SGSM3: variants seen among roughly 807,000 people sequenced by gnomAD.
SGSM3 encodes the protein small G protein signaling modulator 3.
In SGSM3, 96 loss-of-function variants were observed where a neutral mutation model predicts 100.5. That is an observed-to-expected ratio of 0.96 (90% CI 0.81 to 1.13). The LOEUF is 1.13. SGSM3 is among the 50% of genes most tolerant of loss of function. The probability of loss-of-function intolerance (pLI) is 0.00; values close to 1 mark genes in which losing one functional copy is unlikely to be tolerated. For missense variants in SGSM3, 1,001 were observed against 1,015.8 expected (o/e 0.99, Z 0.20); for synonymous variants, 483 against 422.8 (o/e 1.14, Z -1.75).
Position 40,405,235 on chromosome 22 carries a change from CCCTGG to C in SGSM3, c.576_580del (p.Trp193LeufsTer53). On this transcript the variant is annotated frameshift_variant, in exon 7 of 22. Coordinates refer to ENST00000248929, the MANE Select transcript of SGSM3 (RefSeq NM_015705.6). LOFTEE classifies it high-confidence loss of function. ...CCCCGCCTGCGCAGGGTGCTCCGGGCCCTGGCCTGGCTCTACCCAGAGATCGGCTA... is the reference window on the plus strand; with the variant it reads ...CCCCGCCTGCGCAGGGTGCTCCGGGCCCTGGCTCTACCCAGAGATCGGCTA... 1 of 1,571,356 alleles carries C rather than the reference CCCTGG, an allele frequency of 6.4e-7. No homozygotes were observed. Among genetic ancestry groups the C allele is most frequent in the Non-Finnish European group, 8.6e-7 (1 of 1,158,348 alleles).
rs750798781 is a variant in SGSM3 at position 40,407,353 on chromosome 22, C to T, written c.1368+25C>T. The T allele has an allele frequency of 6.2e-7, 1 of 1,613,104 alleles. No individual in the cohort carries two copies. Among genetic ancestry groups the T allele is most frequent in the South Asian group, 1.1e-5 (1 of 91,086 alleles). ...GGTGAGTCGCCAGCTCCCTGGGCTG[C>T]TACCAAACACGGCCCTAACTCCTCC... On this transcript the variant is annotated intron_variant, in intron 12 of 21. Coordinates refer to ENST00000248929, the MANE Select transcript of SGSM3 (RefSeq NM_015705.6). The surrounding 1 kb of genome is among the most constrained non-coding windows in gnomAD (Gnocchi z 4.7).
At chr22:40,403,059 G>A (rs1361692584) in intron 4 of SGSM3, among the ~76,000 whole-genome samples, 1 of 152,238 alleles carries the variant, frequency 6.6e-6, no homozygotes, top group African/African-American at 2.4e-5. Flanking sequence ...AGGACACAGG[G>A]AACTTGCTGG....
intron 2 of SGSM3, 48 bp from the exon 3 acceptor site, chr22:40,401,545 C>A (rs775010227): frequency 1.3e-5 from 20 of 1,505,150 alleles, no homozygotes; most frequent in Non-Finnish European, 1.8e-5. Context: ...TGCGCCTGGC[C>A]TGCCTCTGCA....
In SGSM3 at chr22:40,408,774, G is replaced by A; in HGVS notation, c.1854-20G>A. On this transcript the variant is annotated intron_variant, in intron 17 of 21. Coordinates refer to ENST00000248929, the MANE Select transcript of SGSM3 (RefSeq NM_015705.6). ...GCCTGACCCAGCCCCGGCACCCCAGGAGCTTTGGTGTCCCCTCAGGTTGGA... is the reference window on the plus strand; with the variant it reads ...GCCTGACCCAGCCCCGGCACCCCAGAAGCTTTGGTGTCCCCTCAGGTTGGA... 6.2e-7 allele frequency: 1 copy of A among 1,613,842 alleles called. No homozygotes were observed. The highest frequency in any genetic ancestry group is 8.5e-7 in the Non-Finnish European group (1 of 1,180,018).
In SGSM3 at chr22:40,409,526, G is replaced by A. The variant is rs375946449; in HGVS notation, c.2172+1G>A. ...CTGGGAGCTCCCTGCGAAGAGAGAGGTGGGTGGTGTGGGCCTCGTAGGGCC... is the reference window on the plus strand; with the variant it reads ...CTGGGAGCTCCCTGCGAAGAGAGAGATGGGTGGTGTGGGCCTCGTAGGGCC... On this transcript the variant is annotated splice_donor_variant, in intron 21 of 21. Coordinates refer to ENST00000248929, the MANE Select transcript of SGSM3 (RefSeq NM_015705.6). LOFTEE classifies it high-confidence loss of function. 2 of 1,602,878 alleles carry A rather than the reference G, an allele frequency of 1.2e-6. No individual in the cohort carries two copies. Among genetic ancestry groups the A allele is most frequent in the African/African-American group, 1.3e-5 (1 of 74,278 alleles).
intron 1 of SGSM3, among the ~76,000 whole-genome samples, chr22:40,384,285 C>T (rs945080697): frequency 2.6e-5 from 4 of 151,980 alleles, no homozygotes; most frequent in Non-Finnish European, 1.5e-5. Flanking sequence ...CCAAAAATTA[C>T]CCTAAACCTT....
rs368831798 is a variant in SGSM3 at position 40,406,573 on chromosome 22, G to A, written c.1096G>A (p.Val366Met). The A allele has an allele frequency of 1.1e-4, 172 of 1,612,918 alleles. No homozygotes were observed. Among genetic ancestry groups the A allele is most frequent in the East Asian group, 4.2e-4 (19 of 44,878 alleles). ...RLAGSLTDVA[V>M]ETQRRKHLAY... ...GGCCGGCTCCCTCACCGATGTGGCCGTGGAGACTCAGCGCCGCAAGCACCT... is the reference window on the plus strand; with the variant it reads ...GGCCGGCTCCCTCACCGATGTGGCCATGGAGACTCAGCGCCGCAAGCACCT... The change falls in exon 10 of 22, where the codon GTG becomes ATG. Residue 366 changes from valine (V) to methionine (M), a missense_variant. Transcript: ENST00000248929.
At chr22:40,389,916 G>GAAAAAAAAAAAAAAAAAAAAAAAAAA (rs34606137) in intron 1 of SGSM3, among the ~76,000 whole-genome samples, 4 of 104,926 alleles carry the variant, frequency 3.8e-5, no homozygotes, top group Non-Finnish European at 6.0e-5. Flanking sequence ...AAAAAAAAAA[G>GAAAAAAAAAAAAAAAAAAAAAAAAAA]AAAAAAAAAA....
chr22:40,372,581 C>T (rs561024822), intron 1 of SGSM3: 3 of 152,230 alleles, frequency 2.0e-5, no homozygotes, highest in South Asian at 2.1e-4. Flanking sequence ...ACGCATACCT[C>T]GTGAATTTGG....
chr22:40,388,737 C>T (rs1051076987), intron 1 of SGSM3, among the ~76,000 whole-genome samples: 1 of 151,950 alleles, frequency 6.6e-6, no homozygotes, highest in Admixed American at 6.6e-5. Flanking sequence ...TAGAAAGTAG[C>T]AACAGGTTGT....
intron 1 of SGSM3, among the ~76,000 whole-genome samples, 161 bp from the exon 2 acceptor site, chr22:40,400,535 C>T (rs543668475): frequency 6.6e-6 from 1 of 151,784 alleles, no homozygotes; most frequent in Non-Finnish European, 1.5e-5. Flanking sequence ...CCCAGCTACT[C>T]GGGAGGCCGA....
At chr22:40,385,394 A>G (rs1477357499) in intron 1 of SGSM3, among the ~76,000 whole-genome samples, 1 of 152,202 alleles carries the variant, frequency 6.6e-6, no homozygotes, top group Non-Finnish European at 1.5e-5. Context: ...CAGGAGATCT[A>G]AGTATTTGCA....
intron 1 of SGSM3, among the ~76,000 whole-genome samples, chr22:40,382,822 T>C (rs771234466): frequency 1.3e-5 from 2 of 152,234 alleles, no homozygotes; most frequent in Non-Finnish European, 2.9e-5. Context: ...TTTTCACTTA[T>C]TCTGCAGGTA....
chr22:40,406,292 TCCCTGGGCCAGGCAAGACCAGCC>T lies in SGSM3; in HGVS notation c.960+76_960+98del, dbSNP rs1445714749. 6.9e-6 allele frequency: 11 copies of T among 1,592,254 alleles called. No individual in the cohort carries two copies. In the Middle Eastern group the frequency reaches 5.4e-4, roughly 79 times the overall value. On this transcript the variant is annotated intron_variant, in intron 9 of 21. Coordinates refer to ENST00000248929, the MANE Select transcript of SGSM3 (RefSeq NM_015705.6). ...ATGGGGGGCAGGGGAGCAAGAGACC[TCCCTGGGCCAGGCAAGACCAGCC>T]CCCTGGCCCCTGACAACTGTGCCAA...
In SGSM3 at chr22:40,372,122, C is replaced by CTT. The variant is rs58396730; in HGVS notation, c.-112+1455_-112+1456dup. On this transcript the variant is annotated intron_variant, in intron 1 of 21. Coordinates refer to ENST00000248929, the MANE Select transcript of SGSM3 (RefSeq NM_015705.6). ...TAGTTCTTCTCCCTGTCCCCCCCCC[C>CTT]TTTTTTTTTTTTTTTTTTTTTTGAG... Among the ~76,000 whole-genome samples, 171 of 65,212 alleles carry CTT rather than the reference C, an allele frequency of 2.6e-3. 3 individuals carry two copies. The highest frequency in any genetic ancestry group is 0.013 in the Middle Eastern group (1 of 76). 42.8% of individuals were successfully genotyped at this position (65,212 alleles called of 152,430 possible).
Position 40,405,295 on chromosome 22 carries a change from C to A in SGSM3, c.618+11C>A, listed in dbSNP as rs771040347. The A allele has an allele frequency of 1.3e-6, 2 of 1,489,720 alleles. No individual in the cohort carries two copies. The highest frequency in any genetic ancestry group is 2.8e-5 in the South Asian group (2 of 72,546). The allele number at this position is 1,489,720 out of a possible 1,614,324, so 92.3% of individuals were successfully genotyped here. A position where few individuals can be genotyped will look rare whatever the true frequency, so the allele number is the denominator to read the frequency against. On this transcript the variant is annotated intron_variant, in intron 7 of 21. Coordinates refer to ENST00000248929, the MANE Select transcript of SGSM3 (RefSeq NM_015705.6). The stretch of plus-strand genomic sequence containing the variant: ...CAGGGCACCGGCATGGTGAGCACAG[C>A]CCCAGAAAGGGCAGTGGCAGCCCCA...
intron 1 of SGSM3, among the ~76,000 whole-genome samples, chr22:40,372,016 C>T: frequency 6.7e-6 from 1 of 149,720 alleles, no homozygotes; most frequent in Non-Finnish European, 1.5e-5. Context: ...ATTTGTAATT[C>T]TATAGATATC....
intron 1 of SGSM3, among the ~76,000 whole-genome samples, chr22:40,392,430 T>A (rs2049479787): frequency 6.6e-6 from 1 of 152,184 alleles, no homozygotes; most frequent in African/African-American, 2.4e-5. Flanking sequence ...TTTTCACAGT[T>A]ATGGATAAGC....
At chr22:40,380,628 G>A (rs761514258) in intron 1 of SGSM3, among the ~76,000 whole-genome samples, 1 of 152,054 alleles carries the variant, frequency 6.6e-6, no homozygotes, top group Non-Finnish European at 1.5e-5. Context: ...GTGAGTCACT[G>A]TGCCCAGCCT....
Sources: gnomAD v4.1 joint callset for allele counts (sites outside exome capture counted in the v4.1 genomes callset) on GRCh38, gnomAD v4.1.1 for gene constraint, Gnocchi (gnomAD v3.1) non-coding constraint, MANE v1.5 for transcripts, NCBI Gene and HGNC (gene_info 2026-07-23, HGNC 2026-07-21) for gene names.